The following N4BP2L1 variants were observed in gnomAD, a reference collection of about 807,000 sequenced individuals.
The protein encoded by N4BP2L1 is NEDD4 binding protein 2 like 1, also known as NEDD4-binding protein 2-like 1.
N4BP2L1 carries 12 observed loss-of-function variants against 21.2 expected under a neutral mutation model. The observed-to-expected ratio is 0.57, with a 90% CI of 0.36 to 0.92. N4BP2L1 has a LOEUF of 0.92. Ranked by LOEUF, N4BP2L1 falls within the 40% of genes least tolerant of loss-of-function variation. N4BP2L1 has a pLI of 0.01. For synonymous variants in N4BP2L1, 104 were observed against 112.8 expected, an observed-to-expected ratio of 0.92 and a Z score of 0.49; for missense variants, 259 against 310.6, an observed-to-expected ratio of 0.83 and a Z score of 1.25.
chr13:32,407,777 A>C lies in N4BP2L1; in HGVS notation c.180-5T>G. 1 of 1,576,936 alleles carries C rather than the reference A, an allele frequency of 6.3e-7. No homozygotes were observed. Among genetic ancestry groups the C allele is most frequent in the Non-Finnish European group, 8.6e-7 (1 of 1,165,504 alleles). ...GGAAAGTCATGCTGCAATTGTCTGGAAAGTGGAGAAATGAGAGAGAGAGAT... is the reference window on the plus strand; with the variant it reads ...GGAAAGTCATGCTGCAATTGTCTGGCAAGTGGAGAAATGAGAGAGAGAGAT... On this transcript the variant is annotated splice_region_variant and splice_polypyrimidine_tract_variant and intron_variant, in intron 1 of 4. Transcript: ENST00000380130.
chr13:32,403,782 A>C (rs749883851), intron 4 of N4BP2L1: 1 of 534,274 alleles, frequency 1.9e-6, no homozygotes, highest in Non-Finnish European at 3.8e-6. Context: ...AAGAGGAACC[A>C]GCCTTACTCC....
intron 1 of N4BP2L1, among the ~76,000 whole-genome samples, chr13:32,424,601 A>C (rs2137996261): frequency 6.6e-6 from 1 of 152,326 alleles, no homozygotes. Context: ...AAGTGCTGGG[A>C]TTACAGGCAT....
intron 1 of N4BP2L1, among the ~76,000 whole-genome samples, chr13:32,418,452 G>T (rs772053992): frequency 1.3e-5 from 2 of 152,222 alleles, no homozygotes; most frequent in Non-Finnish European, 2.9e-5. Context: ...TGCTGCAGGG[G>T]TGGTGCCCTC....
intron 1 of N4BP2L1, among the ~76,000 whole-genome samples, chr13:32,422,680 C>T (rs1476346861): frequency 1.3e-5 from 2 of 152,178 alleles, no homozygotes; most frequent in East Asian, 3.8e-4. Flanking sequence ...TGAGCAAGAA[C>T]AAGCACATAC....
chr13:32,411,443 A>T (rs1200272222), intron 1 of N4BP2L1: 1 of 832,230 alleles, frequency 1.2e-6, no homozygotes, highest in Admixed American at 6.2e-5. Flanking sequence ...AATAGGCAGG[A>T]CAATAAAAAC....
chr13:32,407,176 G>C (rs1478343037), intron 3 of N4BP2L1, 74 bp downstream of exon 3: 14 of 1,411,346 alleles, frequency 9.9e-6, no homozygotes, highest in African/African-American at 1.4e-5. Flanking sequence ...ATCAGAAAAA[G>C]AGGAAAGAAC....
chr13:32,424,588 C>T (rs2074661843), intron 1 of N4BP2L1, among the ~76,000 whole-genome samples: 1 of 152,238 alleles, frequency 6.6e-6, no homozygotes, highest in African/African-American at 2.4e-5. Flanking sequence ...CCTCGGCCTC[C>T]CAAAGTGCTG....
At chr13:32,418,385 A>T (rs929610909) in intron 1 of N4BP2L1, among the ~76,000 whole-genome samples, 2 of 152,144 alleles carry the variant, frequency 1.3e-5, no homozygotes, top group Middle Eastern at 3.2e-3. Flanking sequence ...AGGTTTGGGA[A>T]CCTCCACTTA....
chr13:32,414,870 G>C (rs989941409), intron 1 of N4BP2L1, among the ~76,000 whole-genome samples: 2 of 152,188 alleles, frequency 1.3e-5, no homozygotes, highest in Non-Finnish European at 2.9e-5. Context: ...GGGTATTACA[G>C]ACTCTGTGAG....
chr13:32,402,250 A>G lies in N4BP2L1; in HGVS notation c.*692T>C. ...AATCCTGCTGAATAAAGTAGTAAAA[A>G]CACAAGGCGTGACTTTAAATAATGA... On this transcript the variant is annotated 3_prime_UTR_variant, in exon 5 of 5. Coordinates refer to ENST00000380130, the MANE Select transcript of N4BP2L1 (RefSeq NM_052818.3). 2 of 851,398 alleles carry G rather than the reference A, an allele frequency of 2.3e-6. No individual in the cohort carries two copies. Among genetic ancestry groups the G allele is most frequent in the Non-Finnish European group, 2.8e-6 (2 of 707,804 alleles). 52.7% of individuals were successfully genotyped at this position (851,398 alleles called of 1,614,324 possible).
intron 1 of N4BP2L1, among the ~76,000 whole-genome samples, chr13:32,414,895 A>G (rs2074044633): frequency 1.3e-5 from 2 of 152,194 alleles, no homozygotes; most frequent in South Asian, 4.1e-4. Flanking sequence ...TGCAGATCTG[A>G]GAAAGCCTTT....
At chr13:32,403,262 A>T in intron 4 of N4BP2L1, 62 bp from the exon 5 acceptor site, 1 of 1,509,554 alleles carries the variant, frequency 6.6e-7, no homozygotes, top group South Asian at 1.3e-5. Flanking sequence ...CTTATATTTT[A>T]CAAGTCCTCT....
upstream of N4BP2L1, among the ~76,000 whole-genome samples, chr13:32,428,965 CGT>C (rs1160135528): frequency 1.3e-5 from 2 of 152,216 alleles, no homozygotes; most frequent in Admixed American, 6.5e-5. Context: ...CCCTCAAGAG[CGT>C]GACAGAGTGA....
chr13:32,405,892 CTTTTTTTTTTTTTTTTTT>C (rs754694153), intron 3 of N4BP2L1, among the ~76,000 whole-genome samples: 2 of 101,192 alleles, frequency 2.0e-5, no homozygotes, highest in Non-Finnish European at 1.8e-5. Context: ...TTCCTGCCCC[CTTTTTTTTTTTTTTTTTT>C]TTTTTTTTTT....
chr13:32,417,121 CT>C (rs1028528805), intron 1 of N4BP2L1, among the ~76,000 whole-genome samples: 1 of 152,106 alleles, frequency 6.6e-6, no homozygotes, highest in Non-Finnish European at 1.5e-5. Flanking sequence ...AGCTGGCAAA[CT>C]TTTTTATAGA....
intron 1 of N4BP2L1, among the ~76,000 whole-genome samples, chr13:32,422,253 T>G (rs2074523515): frequency 6.6e-6 from 1 of 152,190 alleles, no homozygotes; most frequent in Non-Finnish European, 1.5e-5. Context: ...AGCCCGCTTA[T>G]AAGGCTCTTG....
intron 1 of N4BP2L1, among the ~76,000 whole-genome samples, chr13:32,426,981 A>G (rs1293121807): frequency 6.6e-6 from 1 of 152,220 alleles, no homozygotes; most frequent in African/African-American, 2.4e-5. Flanking sequence ...GCCAGCGTCA[A>G]GGAGAGAAGC....
chr13:32,410,484 T>G (rs1028247606), intron 1 of N4BP2L1, among the ~76,000 whole-genome samples: 3 of 152,180 alleles, frequency 2.0e-5, no homozygotes, highest in African/African-American at 7.2e-5. Flanking sequence ...CTAGTACAGA[T>G]AAAGCCAGTG....
intron 1 of N4BP2L1, among the ~76,000 whole-genome samples, chr13:32,412,098 G>A (rs150283704): frequency 0.01 from 1,591 of 151,796 alleles, 17 homozygotes; most frequent in Non-Finnish European, 0.018. Context: ...TCCCCACATT[G>A]TATTTGGTTG....
Sources: allele counts gnomAD v4.1 joint callset (sites outside exome capture counted in the v4.1 genomes callset), GRCh38; gene constraint gnomAD v4.1.1; transcripts MANE v1.5; gene names NCBI Gene and HGNC (gene_info 2026-07-23, HGNC 2026-07-21).